The following FAM120A variants were observed in gnomAD, a reference collection of about 807,000 sequenced individuals.
FAM120A encodes family with sequence similarity 120 member A.
In FAM120A, 15 loss-of-function variants were observed where a neutral mutation model predicts 109.7. That is an observed-to-expected ratio of 0.14 (90% CI 0.09 to 0.21). The LOEUF is 0.21. FAM120A is among the 10% of genes least tolerant of loss of function. FAM120A has a pLI of 1.00. For synonymous variants in FAM120A, 493 were observed against 572.8 expected (o/e 0.86, Z 1.99); for missense variants, 899 against 1,439.3 (o/e 0.62, Z 6.07).
At chr9:93,489,008 T>TAAAAAA (rs34387679) in intron 3 of FAM120A, among the ~76,000 whole-genome samples, 1 of 143,148 alleles carries the variant, frequency 7.0e-6, no homozygotes. Flanking sequence ...ATGTATCTGT[T>TAAAAAA]AAAAAAAAAA....
intron 7 of FAM120A, among the ~76,000 whole-genome samples, chr9:93,516,947 G>A (rs934634479): frequency 4.6e-5 from 7 of 152,144 alleles, no homozygotes; most frequent in Non-Finnish European, 1.0e-4. Flanking sequence ...TTTTCTTTAA[G>A]TCAGTGTCTC....
chr9:93,548,409 C>A (rs997482632), intron 11 of FAM120A, among the ~76,000 whole-genome samples: 2 of 152,180 alleles, frequency 1.3e-5, no homozygotes, highest in African/African-American at 4.8e-5. Flanking sequence ...GAACCAATAG[C>A]TAGGGGCTGA....
chr9:93,485,440 TA>T (rs1011250405), intron 3 of FAM120A, among the ~76,000 whole-genome samples: 41 of 151,676 alleles, frequency 2.7e-4, no homozygotes, highest in African/African-American at 9.9e-4. Flanking sequence ...TATAAAAAAA[TA>T]AAAAAACTAG....
At chr9:93,512,821 T>C (rs1255415037) in intron 5 of FAM120A, among the ~76,000 whole-genome samples, 2 of 152,240 alleles carry the variant, frequency 1.3e-5, no homozygotes, top group Non-Finnish European at 2.9e-5. Context: ...ACTGCTTTAA[T>C]AGAATAGTGG....
In FAM120A at chr9:93,451,696, AGCGGCGGCAGCGGCG is replaced by A. The variant is rs942597047; in HGVS notation, c.-209_-195del. 1.2e-4 allele frequency: 119 copies of A among 964,790 alleles called. No individual in the cohort carries two copies. The highest frequency in any genetic ancestry group is 6.1e-4 in the African/African-American group (31 of 50,524). 59.8% of individuals were successfully genotyped at this position (964,790 alleles called of 1,614,324 possible). A position where few individuals can be genotyped will look rare whatever the true frequency, so the allele number is the denominator to read the frequency against. ...GCCTCGGCCTCGGCCTCGGCCTCGC[AGCGGCGGCAGCGGCG>A]GCGGCGGCAGGTCCCTCCCCAGACA... On this transcript the variant is annotated 5_prime_UTR_variant, in exon 1 of 18. Transcript: ENST00000277165.
At chr9:93,544,604 C>T (rs1247229062) in intron 11 of FAM120A, among the ~76,000 whole-genome samples, 3 of 152,132 alleles carry the variant, frequency 2.0e-5, no homozygotes, top group African/African-American at 7.2e-5. Context: ...AACTTAAATA[C>T]TTTACTGATT....
At chr9:93,485,739 C>G (rs1332815806) in intron 3 of FAM120A, among the ~76,000 whole-genome samples, 1 of 150,176 alleles carries the variant, frequency 6.7e-6, no homozygotes, top group Non-Finnish European at 1.5e-5. Flanking sequence ...CTTTGAGACT[C>G]TAGCCCCTGT....
In FAM120A at chr9:93,484,286, G is replaced by A. The variant is rs74652423; in HGVS notation, c.804+7948G>A. Among the ~76,000 whole-genome samples, 1,001 of 152,234 alleles carry A rather than the reference G, an allele frequency of 6.6e-3. 13 individuals carry two copies. The highest frequency in any genetic ancestry group is 0.023 in the African/African-American group (967 of 41,518). ...TATTGCTGGGAAGAAAGGGATACAA[G>A]TTGTGGGAGGTTTATGCTCCTTCCT... On this transcript the variant is annotated intron_variant, in intron 3 of 17. Coordinates refer to ENST00000277165, the MANE Select transcript of FAM120A (RefSeq NM_014612.5).
At chr9:93,521,486 A>G (rs966996952) in intron 7 of FAM120A, among the ~76,000 whole-genome samples, 2 of 151,950 alleles carry the variant, frequency 1.3e-5, no homozygotes, top group African/African-American at 4.8e-5. Flanking sequence ...GGTGGCTAAG[A>G]CGGAAGGATC....
At chr9:93,558,474 T>A in intron 14 of FAM120A, 107 bp from the exon 15 acceptor site, 3 of 1,411,494 alleles carry the variant, frequency 2.1e-6, no homozygotes, top group Non-Finnish European at 2.9e-6. Context: ...AGGAGACCCC[T>A]CCATGGCAGC....
rs1232803079 is a variant in FAM120A at position 93,564,695 on chromosome 9, TA to T, written c.*158del. 8 of 577,182 alleles carry T rather than the reference TA, an allele frequency of 1.4e-5. No homozygotes were observed. The highest frequency in any genetic ancestry group is 2.3e-5 in the Non-Finnish European group (8 of 344,606). The allele number at this position is 577,182 out of a possible 1,614,324, so 35.8% of individuals were successfully genotyped here. A position where few individuals can be genotyped will look rare whatever the true frequency, so the allele number is the denominator to read the frequency against. On this transcript the variant is annotated 3_prime_UTR_variant, in exon 18 of 18. Coordinates refer to ENST00000277165, the MANE Select transcript of FAM120A (RefSeq NM_014612.5). ...AGATCCCTCTTTGATATCAGAGATT[TA>T]AACAACACATTTTTAGTTTTAACCA...
intron 10 of FAM120A, among the ~76,000 whole-genome samples, chr9:93,535,112 A>G (rs1448102974): frequency 6.6e-6 from 1 of 152,210 alleles, no homozygotes; most frequent in Admixed American, 6.5e-5. Context: ...GCAGGCAGTG[A>G]AAGAATGAAT....
At chr9:93,472,146 G>T (rs28403269) in intron 2 of FAM120A, among the ~76,000 whole-genome samples, 1 of 151,756 alleles carries the variant, frequency 6.6e-6, no homozygotes, top group Admixed American at 6.6e-5. Flanking sequence ...TATAATCCTA[G>T]CTACTTGGGA....
chr9:93,525,566 A>G (rs970645507), intron 7 of FAM120A, among the ~76,000 whole-genome samples: 8 of 152,208 alleles, frequency 5.3e-5, no homozygotes, highest in African/African-American at 1.7e-4. Flanking sequence ...CAATGTTGCC[A>G]TGTACTTCTA....
intron 1 of FAM120A, among the ~76,000 whole-genome samples, chr9:93,460,059 C>T (rs1055958061): frequency 2.6e-5 from 4 of 152,058 alleles, no homozygotes; most frequent in African/African-American, 2.4e-5. Flanking sequence ...ATGTTTAGAT[C>T]GACATTGTTC....
intron 1 of FAM120A, among the ~76,000 whole-genome samples, chr9:93,459,902 C>CA (rs897452737): frequency 2.0e-5 from 3 of 152,158 alleles, no homozygotes; most frequent in Non-Finnish European, 4.4e-5. Context: ...ATGAGCAAAT[C>CA]AAAGAATTAT....
intron 5 of FAM120A, among the ~76,000 whole-genome samples, chr9:93,513,650 G>A (rs889721896): frequency 1.8e-4 from 27 of 152,176 alleles, no homozygotes; most frequent in Admixed American, 9.2e-4. Flanking sequence ...TAAAGCTTGC[G>A]AGCTGAAGGC....
In FAM120A at chr9:93,532,075, A is replaced by G. The variant is rs552283888; in HGVS notation, c.1735-80A>G. 1.2e-4 allele frequency: 153 copies of G among 1,283,282 alleles called. 2 individuals are homozygous for G. In the South Asian group the frequency reaches 2.0e-3, roughly 16 times the overall value. The allele number at this position is 1,283,282 out of a possible 1,614,324, so 79.5% of individuals were successfully genotyped here. On this transcript the variant is annotated intron_variant, in intron 9 of 17. Transcript: ENST00000277165. This position sits in a 1 kb window ranked among gnomAD's most constrained non-coding sequence, Gnocchi z 4.3. ...AATTGCAATGTCATTAACTGGAGAT[A>G]ATACAGTATATTTCTGTGAGTGTAT...
intron 5 of FAM120A, among the ~76,000 whole-genome samples, chr9:93,505,082 A>G (rs1156517946): frequency 2.2e-5 from 2 of 92,416 alleles, no homozygotes; most frequent in Non-Finnish European, 4.1e-5. Context: ...TTTTTTTGAG[A>G]AGGAGTCTCG....
Sources: allele counts gnomAD v4.1 joint callset (sites outside exome capture counted in the v4.1 genomes callset), GRCh38; gene constraint gnomAD v4.1.1; non-coding constraint Gnocchi (gnomAD v3.1); transcripts MANE v1.5; gene names NCBI Gene and HGNC (gene_info 2026-07-23, HGNC 2026-07-21).